ELAVL2: variants seen among roughly 807,000 people sequenced by gnomAD.
ELAVL2 encodes ELAV like RNA binding protein 2.
In ELAVL2, 4 loss-of-function variants were observed where a neutral mutation model predicts 34.6. The observed-to-expected ratio is 0.12, with a 90% CI of 0.06 to 0.26. The LOEUF (loss-of-function observed/expected upper bound fraction) is 0.26. Ranked by LOEUF, ELAVL2 falls within the 10% of genes least tolerant of loss-of-function variation. ELAVL2 has a pLI of 1.00. For synonymous variants in ELAVL2, 193 were observed against 154.8 expected (o/e 1.25, Z -1.83); for missense variants, 432 against 442.8 (o/e 0.98, Z 0.22).
At chr9:23,710,137 T>C (rs1396748106) in intron 3 of ELAVL2, among the ~76,000 whole-genome samples, 1 of 152,208 alleles carries the variant, frequency 6.6e-6, no homozygotes, top group African/African-American at 2.4e-5. Flanking sequence ...TATTGAATTA[T>C]GTCTTGAAAA....
chr9:23,749,434 A>C (rs563440766), intron 2 of ELAVL2, among the ~76,000 whole-genome samples: 5 of 152,274 alleles, frequency 3.3e-5, no homozygotes, highest in African/African-American at 1.2e-4. Context: ...TAGCATAACG[A>C]GTGTTAGAAA....
intron 2 of ELAVL2, among the ~76,000 whole-genome samples, chr9:23,731,465 G>C (rs2046534271): frequency 6.6e-6 from 1 of 152,096 alleles, no homozygotes; most frequent in South Asian, 2.1e-4. Flanking sequence ...TATGGAGAGG[G>C]CTTAACAGGC....
intron 1 of ELAVL2, among the ~76,000 whole-genome samples, chr9:23,787,112 A>G (rs998395166): frequency 1.3e-5 from 2 of 152,288 alleles, no homozygotes; most frequent in Admixed American, 6.5e-5. Context: ...GAATATGAGC[A>G]TTTGGAAAAG....
In ELAVL2 at chr9:23,701,331, A is replaced by G. The variant is rs950496083; in HGVS notation, c.713+48T>C. On this transcript the variant is annotated intron_variant, in intron 5 of 6. Transcript: ENST00000397312. Reference sequence around the variant, plus strand: ...AAAGTACTGGACAGTAAACCTGAGTATTCTCTTTCAGTTTAGTAGCTGGGC... The same window carrying G: ...AAAGTACTGGACAGTAAACCTGAGTGTTCTCTTTCAGTTTAGTAGCTGGGC... 6.3e-6 allele frequency: 10 copies of G among 1,590,372 alleles called. No homozygotes were observed. The African/African-American group carries it at 1.3e-4, about 21-fold the overall frequency.
intron 5 of ELAVL2, among the ~76,000 whole-genome samples, chr9:23,698,590 G>C (rs1021852986): frequency 6.6e-6 from 1 of 152,144 alleles, no homozygotes; most frequent in African/African-American, 2.4e-5. Flanking sequence ...CTACATGTCT[G>C]CTGAAAGGTG....
At chr9:23,800,582 T>G (rs886884839) in intron 1 of ELAVL2, among the ~76,000 whole-genome samples, 1 of 152,174 alleles carries the variant, frequency 6.6e-6, no homozygotes, top group Non-Finnish European at 1.5e-5. Flanking sequence ...AAGAATTCTT[T>G]CAAAGAACAT....
chr9:23,801,818 A>G (rs920154951), intron 1 of ELAVL2, among the ~76,000 whole-genome samples: 4 of 152,006 alleles, frequency 2.6e-5, no homozygotes, highest in African/African-American at 9.7e-5. Context: ...CACTACCAAC[A>G]CCCCATTTTG....
At chr9:23,731,811 T>C (rs1287574023) in intron 2 of ELAVL2, among the ~76,000 whole-genome samples, 1 of 151,940 alleles carries the variant, frequency 6.6e-6, no homozygotes, top group African/African-American at 2.4e-5. Context: ...AAATAGAACA[T>C]AAACAAAAAT....
At chr9:23,840,707 C>T in the ELAVL2 span, among the ~76,000 whole-genome samples, 1 of 152,074 alleles carries the variant, frequency 6.6e-6, no homozygotes, top group African/African-American at 2.4e-5. Flanking sequence ...GAGATAACCC[C>T]GGGAAATTGC....
intron 1 of ELAVL2, among the ~76,000 whole-genome samples, chr9:23,791,453 TA>T (rs2060309444): frequency 6.6e-6 from 1 of 152,210 alleles, no homozygotes; most frequent in Non-Finnish European, 1.5e-5. Flanking sequence ...CCAACGTGAC[TA>T]TATTTGAAAA....
Position 23,704,958 on chromosome 9 carries a change from T to A in ELAVL2, c.447A>T (p.Gly149=). 6.2e-7 allele frequency: 1 copy of A among 1,614,134 alleles called. No individual in the cohort carries two copies. The highest frequency in any genetic ancestry group is 8.5e-7 in the Non-Finnish European group (1 of 1,180,000). Residue 149 remains glycine, a synonymous_variant, in exon 4 of 7, where the codon GGA becomes GGT. Coordinates refer to ENST00000397312, the MANE Select transcript of ELAVL2 (RefSeq NM_004432.5). ...CAAGAATACGAGAAGTAATAATGCG[T>A]CCATATTGTGAAAAAAGCTGTTCCA... ...KELEQLFSQY[G]RIITSRILVD...
Position 23,762,189 on chromosome 9 carries a change from T to G in ELAVL2, c.46A>C (p.Asn16His). Residue 16 changes from asparagine (N) to histidine (H), a missense_variant, in exon 2 of 7, where the codon AAT becomes CAT. Physicochemically the swap from Asn to His is moderately conservative, Grantham distance 68. Around this residue, in one of 3 missense-constraint regions of ELAVL2, gnomAD observed 132 missense variants for 118.3 expected, o/e 1.12. Transcript: ENST00000397312. ...TTGTTGTTTATGGTGGTTGGACCATTGGCTGTGTTATTGCAAGTTGGCCCA... is the reference window on the plus strand; with the variant it reads ...TTGTTGTTTATGGTGGTTGGACCATGGGCTGTGTTATTGCAAGTTGGCCCA... ...SNGPTCNNTA[N>H]GPTTINNNCS... 1 of 1,613,630 alleles carries G rather than the reference T, an allele frequency of 6.2e-7. No individual in the cohort carries two copies. Among genetic ancestry groups the G allele is most frequent in the Non-Finnish European group, 8.5e-7 (1 of 1,179,642 alleles).
intron 2 of ELAVL2, among the ~76,000 whole-genome samples, chr9:23,731,808 A>C (rs1406779986): frequency 1.3e-5 from 2 of 152,154 alleles, no homozygotes; most frequent in Non-Finnish European, 2.9e-5. Context: ...AAGAAATAGA[A>C]CATAAACAAA....
Position 23,817,455 on chromosome 9 carries a change from A to G in ELAVL2, c.-16+8351T>C, listed in dbSNP as rs16907809. On this transcript the variant is annotated intron_variant, in intron 1 of 6. Coordinates refer to ENST00000397312, the MANE Select transcript of ELAVL2 (RefSeq NM_004432.5). ...TCAAAAAGGTACCATGTCATTAAGCATATCAATTCAGTTCACGCATTGAGA... is the reference window on the plus strand; with the variant it reads ...TCAAAAAGGTACCATGTCATTAAGCGTATCAATTCAGTTCACGCATTGAGA... Among the ~76,000 whole-genome samples the G allele has an allele frequency of 3.1e-3, 479 of 152,298 alleles. 4 individuals carry two copies. The highest frequency in any genetic ancestry group is 0.011 in the African/African-American group (454 of 41,558).
intron 5 of ELAVL2, among the ~76,000 whole-genome samples, chr9:23,697,716 C>T (rs921520866): frequency 6.6e-6 from 1 of 151,858 alleles, no homozygotes; most frequent in Non-Finnish European, 1.5e-5. Context: ...AATAAAGTAC[C>T]TGCCTAATTT....
chr9:23,728,046 T>C (rs1052251259), intron 3 of ELAVL2, among the ~76,000 whole-genome samples: 26 of 152,072 alleles, frequency 1.7e-4, no homozygotes, highest in Non-Finnish European at 3.8e-4. Context: ...AGTTTTGATA[T>C]AACGATCAGA....
chr9:23,806,950 T>C (rs1393331142), intron 1 of ELAVL2, among the ~76,000 whole-genome samples: 1 of 152,206 alleles, frequency 6.6e-6, no homozygotes, highest in Non-Finnish European at 1.5e-5. Context: ...GAGGTTACTG[T>C]CTATATTTTC....
In ELAVL2 at chr9:23,731,106, G is replaced by C; in HGVS notation, c.249C>G (p.Gly83=). The stretch of plus-strand genomic sequence containing the variant: ...CCTTGGGGTCAATGTAGTTCACAAA[G>C]CCATATCCCAAGCTCTGCCCTAATG... ...DKITGQSLGY[G]FVNYIDPKDA... is the part of the protein sequence containing the mutation. Residue 83 remains glycine (G), a synonymous_variant, in exon 3 of 7, where the codon GGC becomes GGG. Transcript: ENST00000397312. The C allele has an allele frequency of 6.2e-7, 1 of 1,612,758 alleles. No homozygotes were observed. The highest frequency in any genetic ancestry group is 1.1e-5 in the South Asian group (1 of 90,886).
intron 5 of ELAVL2, among the ~76,000 whole-genome samples, chr9:23,696,753 A>C (rs1394410508): frequency 6.6e-6 from 1 of 152,136 alleles, no homozygotes. Context: ...TACAGGAGTG[A>C]GCCACCACGC....
Sources: allele counts gnomAD v4.1 joint callset (sites outside exome capture counted in the v4.1 genomes callset), GRCh38; gene constraint gnomAD v4.1.1; regional missense constraint gnomAD v4.1.1; transcripts MANE v1.5; gene names NCBI Gene and HGNC (gene_info 2026-07-23, HGNC 2026-07-21).